The following HIVEP3 variants were observed in gnomAD, a reference collection of about 807,000 sequenced individuals.
The protein encoded by HIVEP3 is transcription factor HIVEP3.
Under a neutral mutation model 152.8 loss-of-function variants are expected in HIVEP3, and 49 were observed. The observed-to-expected ratio is 0.32, with a 90% CI of 0.26 to 0.41. The LOEUF is 0.41. HIVEP3 is among the 10% of genes least tolerant of loss of function. The pLI, the probability that HIVEP3 is intolerant of heterozygous loss-of-function variation, is 1.00. For missense variants in HIVEP3, 2,790 were observed against 3,103.3 expected (o/e 0.90, Z 2.40); for synonymous variants, 1,269 against 1,289.0 (o/e 0.98, Z 0.33).
intron 2 of HIVEP3, among the ~76,000 whole-genome samples, chr1:41,643,981 G>A (rs1645419999): frequency 6.8e-6 from 1 of 147,054 alleles, no homozygotes; most frequent in Admixed American, 7.0e-5. Context: ...CTGCCTCCTG[G>A]GCTCAAGCCA....
chr1:41,881,025 G>A (rs1249425073), intron 1 of HIVEP3, among the ~76,000 whole-genome samples: 1 of 152,100 alleles, frequency 6.6e-6, no homozygotes, highest in Non-Finnish European at 1.5e-5. Context: ...ATACTGAATC[G>A]CAATATTCCA....
chr1:41,886,641 G>A (rs1644350871), intron 1 of HIVEP3, among the ~76,000 whole-genome samples: 1 of 148,900 alleles, frequency 6.7e-6, no homozygotes, highest in African/African-American at 2.5e-5. Context: ...GAACCTGGGA[G>A]GCGGAGGTTG....
At chr1:41,661,187 A>C (rs1245164501) in intron 2 of HIVEP3, among the ~76,000 whole-genome samples, 1 of 152,240 alleles carries the variant, frequency 6.6e-6, no homozygotes. Flanking sequence ...GTCTGCCCAG[A>C]GTCACTAAGG....
intron 1 of HIVEP3, among the ~76,000 whole-genome samples, chr1:41,935,752 A>G (rs1390219864): frequency 1.4e-5 from 2 of 147,072 alleles, no homozygotes; most frequent in African/African-American, 4.9e-5. Flanking sequence ...TATTATATAT[A>G]TTTTATATAT....
chr1:41,580,129 T>G lies in HIVEP3; in HGVS notation c.4669A>C (p.Lys1557Gln), dbSNP rs775006717. The G allele has an allele frequency of 3.1e-6, 5 of 1,613,948 alleles. No individual in the cohort carries two copies. Among genetic ancestry groups the G allele is most frequent in the Non-Finnish European group, 4.2e-6 (5 of 1,179,970 alleles). The stretch of plus-strand genomic sequence containing the variant: ...AAGGAGGGGAGATCAGGTTGTTCCT[T>G]GGAATCTTCTTTCTTCACGCTCAGT... ...TPLSVKKEDSKEQPDLPSLAP... is the reference protein window; with the variant it reads ...TPLSVKKEDSQEQPDLPSLAP... Residue 1557 changes from lysine (K) to glutamine (Q), a missense_variant, in exon 4 of 9, where the codon AAG becomes CAG. Physicochemically the swap from Lys to Gln is moderately conservative, Grantham distance 53. Coordinates refer to ENST00000372583, the MANE Select transcript of HIVEP3 (RefSeq NM_024503.5).
intron 1 of HIVEP3, among the ~76,000 whole-genome samples, chr1:41,930,229 T>C (rs1644989800): frequency 6.6e-6 from 1 of 152,190 alleles, no homozygotes; most frequent in African/African-American, 2.4e-5. Flanking sequence ...CATAGAGTTT[T>C]GTGCCATATA....
At chr1:41,536,706 A>T (rs1047252718) in intron 5 of HIVEP3, among the ~76,000 whole-genome samples, 46 of 152,134 alleles carry the variant, frequency 3.0e-4, no homozygotes, top group Non-Finnish European at 5.4e-4. Context: ...CAGATTTTTA[A>T]AAAAAAACTA....
intron 2 of HIVEP3, among the ~76,000 whole-genome samples, chr1:41,642,576 G>A (rs1645390932): frequency 6.6e-6 from 1 of 152,178 alleles, no homozygotes; most frequent in African/African-American, 2.4e-5. Context: ...TTGTATGGGT[G>A]CAATATAATA....
intron 2 of HIVEP3, among the ~76,000 whole-genome samples, chr1:41,680,932 G>C (rs1345173680): frequency 6.6e-6 from 1 of 152,196 alleles, no homozygotes; most frequent in Non-Finnish European, 1.5e-5. Context: ...CTTGCTATGT[G>C]CCATGATCTG....
chr1:41,888,614 C>T (rs1014772739), intron 1 of HIVEP3, among the ~76,000 whole-genome samples: 6 of 151,874 alleles, frequency 4.0e-5, no homozygotes, highest in African/African-American at 1.5e-4. Context: ...GGAAATGATT[C>T]AGATCACACC....
chr1:42,028,132 C>A (rs1645592845), intron 1 of HIVEP3, among the ~76,000 whole-genome samples: 1 of 152,152 alleles, frequency 6.6e-6, no homozygotes, highest in African/African-American at 2.4e-5. Flanking sequence ...GTCTCCTGAC[C>A]AAGTTTTATT....
chr1:41,707,024 T>C (rs1181589237), intron 1 of HIVEP3, among the ~76,000 whole-genome samples: 2 of 152,238 alleles, frequency 1.3e-5, no homozygotes, highest in Non-Finnish European at 2.9e-5. Context: ...AGCCAGAGAA[T>C]ATTTTCTTTG....
chr1:41,544,871 CACCACTACCACCTCT>C (rs1558046474), intron 5 of HIVEP3, among the ~76,000 whole-genome samples: 6 of 120,044 alleles, frequency 5.0e-5, no homozygotes, highest in Non-Finnish European at 5.2e-5. Context: ...CCACCACCAC[CACCACTACCACCTCT>C]ACCACCACCA....
intron 3 of HIVEP3, among the ~76,000 whole-genome samples, chr1:41,622,885 A>G (rs958636236): frequency 5.9e-5 from 9 of 152,216 alleles, no homozygotes; most frequent in Non-Finnish European, 1.3e-4. Context: ...AAGAGTTGCT[A>G]TGTGCCCACA....
chr1:41,744,408 A>T (rs902512360), intron 1 of HIVEP3, among the ~76,000 whole-genome samples: 16 of 152,226 alleles, frequency 1.1e-4, no homozygotes, highest in African/African-American at 3.6e-4. Context: ...GGAAGAGCTG[A>T]ATCAAACTAG....
In HIVEP3 at chr1:41,807,202, C is replaced by T. The variant is rs1004480888; in HGVS notation, c.-800-106207G>A. On this transcript the variant is annotated intron_variant, in intron 1 of 8. Transcript: ENST00000372583. ...GAACTTTGCCATGCTGCTGCAGGGCCGGCATGCCCCCTCCTCACCCTCACG... is the reference window on the plus strand; with the variant it reads ...GAACTTTGCCATGCTGCTGCAGGGCTGGCATGCCCCCTCCTCACCCTCACG... Among the ~76,000 whole-genome samples, 12 of 152,310 alleles carry T rather than the reference C, an allele frequency of 7.9e-5. No individual in the cohort carries two copies. In the East Asian group the frequency reaches 9.7e-4, roughly 12 times the overall value.
At chr1:41,625,397 G>T (rs1301836287) in intron 3 of HIVEP3, among the ~76,000 whole-genome samples, 1 of 152,066 alleles carries the variant, frequency 6.6e-6, no homozygotes, top group Non-Finnish European at 1.5e-5. Flanking sequence ...TTTAAAAAAC[G>T]GTGTGGCTAT....
intron 1 of HIVEP3, among the ~76,000 whole-genome samples, chr1:41,746,641 G>A (rs1158553881): frequency 6.6e-6 from 1 of 152,200 alleles, no homozygotes; most frequent in Non-Finnish European, 1.5e-5. Flanking sequence ...GTGGTCTGGT[G>A]TGGGGAGACA....
At chr1:41,947,335 C>T (rs945540215) in intron 1 of HIVEP3, among the ~76,000 whole-genome samples, 2 of 152,244 alleles carry the variant, frequency 1.3e-5, no homozygotes, top group Non-Finnish European at 2.9e-5. Context: ...AAACCAAAGG[C>T]TCAGCTCTGC....
Sources: gnomAD v4.1 joint callset for allele counts (sites outside exome capture counted in the v4.1 genomes callset) on GRCh38, gnomAD v4.1.1 for gene constraint, MANE v1.5 for transcripts, NCBI Gene and HGNC (gene_info 2026-07-23, HGNC 2026-07-21) for gene names.